SYT6: variants seen among roughly 807,000 people sequenced by gnomAD.
The protein encoded by SYT6 is synaptotagmin 6.
A neutral mutation model predicts 38.4 loss-of-function variants in SYT6; 24 were observed. The observed-to-expected ratio is 0.62, with a 90% CI of 0.45 to 0.88. The LOEUF (loss-of-function observed/expected upper bound fraction) is 0.88. Ranked by LOEUF, SYT6 falls within the 40% of genes least tolerant of loss-of-function variation. SYT6 has a pLI of 0.00. For missense variants in SYT6, 611 were observed against 621.0 expected (o/e 0.98, Z 0.17); for synonymous variants, 265 against 241.9 (o/e 1.10, Z -0.89).
intron 3 of SYT6, among the ~76,000 whole-genome samples, chr1:114,131,675 G>C (rs1296049940): frequency 6.6e-6 from 1 of 152,182 alleles, no homozygotes. Flanking sequence ...CCATAGCCCA[G>C]CCCATGGCTC....
intron 3 of SYT6, among the ~76,000 whole-genome samples, chr1:114,108,911 G>A (rs916540123): frequency 2.0e-5 from 3 of 152,316 alleles, no homozygotes; most frequent in African/African-American, 7.2e-5. Context: ...CAGCAGAGAA[G>A]CATCCGCTAT....
chr1:114,143,783 T>A (rs1318150305), intron 1 of SYT6, among the ~76,000 whole-genome samples: 1 of 152,170 alleles, frequency 6.6e-6, no homozygotes, highest in Non-Finnish European at 1.5e-5. Context: ...AATGTTGTGA[T>A]TGGTTTGGAG....
intron 1 of SYT6, 24 bp from the exon 2 acceptor site, chr1:114,139,987 G>A: frequency 2.1e-6 from 3 of 1,409,888 alleles, no homozygotes; most frequent in Non-Finnish European, 2.8e-6. Context: ...GAGCCAGGCA[G>A]GGAGGGACAG....
At chr1:114,100,671 G>C (rs1276018979) in intron 4 of SYT6, among the ~76,000 whole-genome samples, 3 of 152,290 alleles carry the variant, frequency 2.0e-5, no homozygotes, top group Middle Eastern at 3.4e-3. Flanking sequence ...CCCTCTCTTA[G>C]GGATTTTCAG....
rs1163497120 is a variant in SYT6, at chr1:114,153,597, G to A, written c.163+13C>T. ...ATATCCAGGAAGGGAGGGGGCCCTGGGTCTCCCGTTACCTGCGCCTGCCGC... is the reference window on the plus strand; with the variant it reads ...ATATCCAGGAAGGGAGGGGGCCCTGAGTCTCCCGTTACCTGCGCCTGCCGC... On this transcript the variant is annotated intron_variant, in intron 1 of 7. Transcript: ENST00000610222. 8.5e-6 allele frequency: 5 copies of A among 590,800 alleles called. No individual in the cohort carries two copies. Among genetic ancestry groups the A allele is most frequent in the Non-Finnish European group, 1.5e-5 (5 of 329,670 alleles). 36.6% of individuals were successfully genotyped at this position (590,800 alleles called of 1,614,324 possible). A position where few individuals can be genotyped will look rare whatever the true frequency, so the allele number is the denominator to read the frequency against.
chr1:114,091,051 C>T lies in SYT6; in HGVS notation c.*1083G>A, dbSNP rs1557723286. ...CATACTCTTCATAGAAAGATGGACT[C>T]AAACTGCTATTTGGATTTCAAAACT... is the stretch of plus-strand genomic sequence containing the variant. On this transcript the variant is annotated 3_prime_UTR_variant, in exon 8 of 8. Transcript: ENST00000610222. 2 of 152,886 alleles carry T rather than the reference C, an allele frequency of 1.3e-5. No individual in the cohort carries two copies. Among genetic ancestry groups the T allele is most frequent in the Non-Finnish European group, 2.9e-5 (2 of 68,040 alleles). 9.5% of individuals were successfully genotyped at this position (152,886 alleles called of 1,614,324 possible). A position where few individuals can be genotyped will look rare whatever the true frequency, so the allele number is the denominator to read the frequency against.
chr1:114,134,722 GT>G (rs1275720200), intron 3 of SYT6, among the ~76,000 whole-genome samples: 1 of 152,172 alleles, frequency 6.6e-6, no homozygotes, highest in African/African-American at 2.4e-5. Context: ...AATGTCAGGT[GT>G]TTTTCAGAAG....
intron 3 of SYT6, among the ~76,000 whole-genome samples, chr1:114,111,827 A>G (rs1280154100): frequency 1.3e-5 from 2 of 152,220 alleles, no homozygotes; most frequent in East Asian, 3.9e-4. Context: ...CAGCTGGCTC[A>G]GCTCTCGCCT....
At chr1:114,106,074 A>G (rs77227025) in intron 3 of SYT6, among the ~76,000 whole-genome samples, 1 of 152,204 alleles carries the variant, frequency 6.6e-6, no homozygotes. Context: ...GACACATAGC[A>G]AGTGCCCTGT....
intron 1 of SYT6, 59 bp from the exon 2 acceptor site, chr1:114,140,022 G>T: frequency 1.8e-6 from 2 of 1,085,788 alleles, no homozygotes; most frequent in Non-Finnish European, 2.6e-6. Context: ...GGAGAAGCGG[G>T]TGAGGGTGTT....
intron 6 of SYT6, among the ~76,000 whole-genome samples, chr1:114,095,955 T>C (rs1683253): frequency 0.59 from 89,240 of 152,074 alleles, 27,425 homozygotes; most frequent in East Asian, 0.92. Flanking sequence ...CCACTATGCC[T>C]GGCTGGGCAG....
At chr1:114,120,213 C>T (rs1677307816) in intron 3 of SYT6, among the ~76,000 whole-genome samples, 1 of 152,202 alleles carries the variant, frequency 6.6e-6, no homozygotes, top group African/African-American at 2.4e-5. Context: ...AATTCAAAGA[C>T]CACACTATGA....
At chr1:114,106,913 A>C (rs1014135313) in intron 3 of SYT6, among the ~76,000 whole-genome samples, 2 of 152,170 alleles carry the variant, frequency 1.3e-5, no homozygotes, top group African/African-American at 4.8e-5. Context: ...GTGCTTCAGC[A>C]TGCCCAGCAG....
chr1:114,139,857 G>T lies in SYT6; in HGVS notation c.270C>A (p.Asn90Lys), dbSNP rs760843790. Residue 90 changes from asparagine (N) to lysine (K), a missense_variant, in exon 2 of 8, where the codon AAC (asparagine) becomes AAA (lysine). Transcript: ENST00000610222. ...FWKLCWMPWR[N>K]KEASSPSSAN... ...CAGAAGAGGGACTGGAGGCCTCCTT[G>T]TTCCTCCAGGGCATCCAGCACAGCT... The T allele has an allele frequency of 7.6e-6, 12 of 1,581,270 alleles. No homozygotes were observed. In the South Asian group the frequency reaches 8.2e-5, roughly 11 times the overall value.
intron 3 of SYT6, among the ~76,000 whole-genome samples, chr1:114,120,798 A>G (rs933484251): frequency 6.6e-6 from 1 of 152,250 alleles, no homozygotes; most frequent in African/African-American, 2.4e-5. Context: ...TAGTAACAAG[A>G]TGGGGTCCCT....
At chr1:114,113,429 T>A (rs1221594162) in intron 3 of SYT6, among the ~76,000 whole-genome samples, 1 of 152,102 alleles carries the variant, frequency 6.6e-6, no homozygotes, top group Admixed American at 6.5e-5. Flanking sequence ...TCCGCAGACA[T>A]CTCTTCTAGA....
intron 3 of SYT6, among the ~76,000 whole-genome samples, chr1:114,133,720 G>A (rs571651477): frequency 2.8e-4 from 43 of 152,286 alleles, no homozygotes; most frequent in African/African-American, 7.7e-4. Context: ...CGAGGCCTCC[G>A]ACTGCCCTGC....
chr1:114,097,936 T>A (rs561658368), intron 5 of SYT6, 59 bp from the exon 6 acceptor site: 19 of 1,595,704 alleles, frequency 1.2e-5, no homozygotes, highest in Non-Finnish European at 1.6e-5. Context: ...GAAAAGGAGG[T>A]CCAGTGTGGG....
At chr1:114,142,849 C>T (rs1046599540) in intron 1 of SYT6, among the ~76,000 whole-genome samples, 5 of 152,078 alleles carry the variant, frequency 3.3e-5, no homozygotes, top group African/African-American at 1.2e-4. Flanking sequence ...TTTTAGCAAT[C>T]AAGCTTTTAA....
Sources: gnomAD v4.1 joint callset for allele counts (sites outside exome capture counted in the v4.1 genomes callset) on GRCh38, gnomAD v4.1.1 for gene constraint, MANE v1.5 for transcripts, NCBI Gene and HGNC (gene_info 2026-07-23, HGNC 2026-07-21) for gene names.